Variants in ST7 observed in about 807,000 individuals in gnomAD.
The protein encoded by ST7 is suppressor of tumorigenicity 7 protein.
Under a neutral mutation model 78.7 loss-of-function variants are expected in ST7, and 28 were observed. That is an observed-to-expected ratio of 0.36 (90% CI 0.26 to 0.49). The LOEUF (loss-of-function observed/expected upper bound fraction) is 0.49, where lower values mean the gene tolerates loss of function less well. ST7 is among the 20% of genes least tolerant of loss of function. The pLI, the probability that ST7 is intolerant of heterozygous loss-of-function variation, is 0.99. For synonymous variants in ST7, 247 were observed against 249.6 expected (o/e 0.99, Z 0.10); for missense variants, 418 against 696.0 (o/e 0.60, Z 4.49).
intron 1 of ST7, among the ~76,000 whole-genome samples, chr7:117,059,713 G>A (rs910941338): frequency 6.9e-6 from 1 of 144,590 alleles, no homozygotes; most frequent in Non-Finnish European, 1.5e-5. Flanking sequence ...GCTTTTGCCT[G>A]TAATCCCAGC....
Position 116,953,539 on chromosome 7 carries a change from A to G in ST7, c.-2A>G, listed in dbSNP as rs997213503. 3 of 1,386,000 alleles carry G rather than the reference A, an allele frequency of 2.2e-6. No individual in the cohort carries two copies. Among genetic ancestry groups the G allele is most frequent in the Non-Finnish European group, 2.9e-6 (3 of 1,046,176 alleles). The allele number at this position is 1,386,000 out of a possible 1,614,324, so 85.9% of individuals were successfully genotyped here. On this transcript the variant is annotated 5_prime_UTR_variant, in exon 1 of 16. Transcript: ENST00000323984. ...CGCGGCAGCAGAGAGGAGCGCTGAA[A>G]CATGGCTGAAGCGGCCACGGGCTTT...
intron 8 of ST7, chr7:117,136,446 T>A: frequency 1.6e-6 from 1 of 624,434 alleles, no homozygotes; most frequent in Non-Finnish European, 2.8e-6. Flanking sequence ...TCACATTCTC[T>A]TTCCTGCCCA....
intron 1 of ST7, among the ~76,000 whole-genome samples, chr7:116,963,927 C>T (rs1009185471): frequency 1.3e-5 from 2 of 152,042 alleles, no homozygotes; most frequent in Non-Finnish European, 1.5e-5. Context: ...TTGACCTCCG[C>T]ATCTAATAAA....
chr7:116,959,407 G>T (rs1311033074), intron 1 of ST7: 6 of 335,486 alleles, frequency 1.8e-5, no homozygotes, highest in African/African-American at 1.1e-4. Context: ...ATCTTTTTTT[G>T]TATATGTATG....
rs1306249813 is a variant in ST7 at position 117,119,715 on chromosome 7, T to C, written c.389T>C (p.Val130Ala). The C allele has an allele frequency of 6.2e-7, 1 of 1,611,094 alleles. No individual in the cohort carries two copies. The highest frequency in any genetic ancestry group is 8.5e-7 in the Non-Finnish European group (1 of 1,179,518). Residue 130 changes from valine to alanine, a missense_variant, in exon 3 of 16, where the codon GTC becomes GCC. Around this residue, in one of 4 missense-constraint regions of ST7, gnomAD observed 36 missense variants for 29.7 expected, o/e 1.21. Transcript: ENST00000323984. The stretch of plus-strand genomic sequence containing the variant: ...GACTCAGATTCCAATAGGCAAAGTG[T>C]CTCAGGTATGGAATTTCCTTCAGTT... ...NGDSDSNRQS[V>A]SECKVWRNPL...
intron 1 of ST7, among the ~76,000 whole-genome samples, chr7:117,091,535 C>A (rs1040680500): frequency 6.6e-6 from 1 of 152,070 alleles, no homozygotes; most frequent in Non-Finnish European, 1.5e-5. Flanking sequence ...TGTGAAATAG[C>A]ATGTCATGGT....
At chr7:117,152,222 T>TAC (rs1563124843) in intron 9 of ST7, among the ~76,000 whole-genome samples, 8 of 117,946 alleles carry the variant, frequency 6.8e-5, no homozygotes, top group East Asian at 2.5e-4. Flanking sequence ...TATATATATA[T>TAC]ACCATGAACA....
At chr7:117,218,818 T>A (rs942966895) in intron 13 of ST7, among the ~76,000 whole-genome samples, 1 of 152,238 alleles carries the variant, frequency 6.6e-6, no homozygotes, top group Admixed American at 6.5e-5. Flanking sequence ...TGGGCATTGA[T>A]ACTGATGGCT....
intron 1 of ST7, among the ~76,000 whole-genome samples, chr7:117,097,807 G>A (rs1341140406): frequency 8.3e-6 from 1 of 121,190 alleles, no homozygotes; most frequent in Non-Finnish European, 1.6e-5. Context: ...CTGTTGCATG[G>A]GAAATGACAT....
chr7:117,011,483 ACCT>A (rs1347056283), intron 1 of ST7, among the ~76,000 whole-genome samples: 1 of 152,096 alleles, frequency 6.6e-6, no homozygotes, highest in African/African-American at 2.4e-5. Context: ...TTCCAGTTCC[ACCT>A]CCTCATTTTA....
intron 1 of ST7, among the ~76,000 whole-genome samples, chr7:116,983,264 G>A (rs1051451399): frequency 2.0e-5 from 3 of 152,060 alleles, no homozygotes; most frequent in South Asian, 2.1e-4. Context: ...TATTGATATC[G>A]CAGATCCTCA....
intron 1 of ST7, among the ~76,000 whole-genome samples, chr7:117,006,926 T>G (rs1795181524): frequency 6.6e-6 from 1 of 152,238 alleles, no homozygotes; most frequent in Non-Finnish European, 1.5e-5. Flanking sequence ...GACAGAGAGC[T>G]TAATTGATAA....
intron 1 of ST7, among the ~76,000 whole-genome samples, chr7:117,077,732 C>T (rs779859746): frequency 6.6e-6 from 1 of 151,880 alleles, no homozygotes; most frequent in Non-Finnish European, 1.5e-5. Context: ...TGTGGATTTG[C>T]CTCATTTTAA....
chr7:117,121,955 G>A (rs1803409405), intron 3 of ST7, among the ~76,000 whole-genome samples: 1 of 144,898 alleles, frequency 6.9e-6, no homozygotes, highest in African/African-American at 2.5e-5. Context: ...GAAATAGGAT[G>A]CTACAAGAAG....
At chr7:116,972,829 G>T in intron 1 of ST7, 1 of 1,071,726 alleles carries the variant, frequency 9.3e-7, no homozygotes, top group Non-Finnish European at 1.4e-6. Context: ...GAGACGATCA[G>T]CTCGCTCCTC....
intron 1 of ST7, among the ~76,000 whole-genome samples, chr7:117,097,411 C>T (rs536928885): frequency 1.7e-4 from 26 of 151,470 alleles, no homozygotes; most frequent in Non-Finnish European, 2.9e-4. Flanking sequence ...CGGCAACTTC[C>T]GCCTCCCGGG....
At chr7:117,101,100 A>G (rs985560572) in intron 2 of ST7, among the ~76,000 whole-genome samples, 9 of 152,204 alleles carry the variant, frequency 5.9e-5, no homozygotes, top group African/African-American at 2.2e-4. Context: ...AAACCTGCAA[A>G]CAGAGGAGAG....
chr7:117,026,764 A>T (rs1332682033), intron 1 of ST7, among the ~76,000 whole-genome samples: 1 of 152,188 alleles, frequency 6.6e-6, no homozygotes, highest in African/African-American at 2.4e-5. Flanking sequence ...GGGCCTGGAT[A>T]TCTGCCAGGG....
chr7:117,123,445 T>C (rs950670919), intron 3 of ST7, among the ~76,000 whole-genome samples: 2 of 152,198 alleles, frequency 1.3e-5, no homozygotes, highest in Admixed American at 6.5e-5. Context: ...CAATTTGCAG[T>C]GATCTTTATC....
Sources: allele counts gnomAD v4.1 joint callset (sites outside exome capture counted in the v4.1 genomes callset), GRCh38; gene constraint gnomAD v4.1.1; regional missense constraint gnomAD v4.1.1; transcripts MANE v1.5; gene names NCBI Gene and HGNC (gene_info 2026-07-23, HGNC 2026-07-21).